Variants in MYRFL observed in about 807,000 individuals in gnomAD.
MYRFL encodes the protein myelin regulatory factor like, also known as myelin regulatory factor-like protein.
MYRFL carries 88 observed loss-of-function variants against 109.4 expected under a neutral mutation model. That is an observed-to-expected ratio of 0.80 (90% confidence interval 0.68 to 0.96). The LOEUF is 0.96. MYRFL is among the 40% of genes least tolerant of loss of function. MYRFL has a pLI of 0.00. For missense variants in MYRFL, 957 were observed against 954.9 expected, an observed-to-expected ratio of 1.00 and a Z score of -0.03; for synonymous variants, 324 against 320.9, an observed-to-expected ratio of 1.01 and a Z score of -0.10.
chr12:69,925,865 C>T (rs1193195311), intron 13 of MYRFL, among the ~76,000 whole-genome samples: 1 of 152,144 alleles, frequency 6.6e-6, no homozygotes, highest in Non-Finnish European at 1.5e-5. Flanking sequence ...ATTGACACCT[C>T]AATAATTATC....
intron 13 of MYRFL, among the ~76,000 whole-genome samples, chr12:69,923,186 T>C (rs1328023413): frequency 6.6e-6 from 1 of 152,226 alleles, no homozygotes; most frequent in East Asian, 1.9e-4. Flanking sequence ...TTCAGTTAGC[T>C]CCTGAGTCAT....
chr12:69,913,816 T>G (rs952687705), intron 13 of MYRFL, among the ~76,000 whole-genome samples: 1 of 152,194 alleles, frequency 6.6e-6, no homozygotes, highest in Non-Finnish European at 1.5e-5. Flanking sequence ...TTAGAATAGA[T>G]CTTTCTATTT....
intron 1 of MYRFL, among the ~76,000 whole-genome samples, chr12:69,841,079 G>C (rs1281037759): frequency 6.6e-6 from 1 of 152,152 alleles, no homozygotes; most frequent in Non-Finnish European, 1.5e-5. Context: ...TCTTGGGTCA[G>C]TGTAAAACTA....
intron 2 of MYRFL, among the ~76,000 whole-genome samples, chr12:69,874,772 A>G (rs958195420): frequency 1.8e-4 from 27 of 151,958 alleles, no homozygotes; most frequent in Non-Finnish European, 7.4e-5. Context: ...ATGTTTTTGT[A>G]CTGTCTTCTG....
In MYRFL at chr12:69,903,844, G is replaced by C. The variant is rs774550227; in HGVS notation, c.1383G>C (p.Glu461Asp). ...SDSRAKQNIQ[E>D]VDTNEQLKRI... is the part of the protein sequence containing the mutation. ...GCCGGGCAAAGCAGAATATCCAGGA[G>C]GTGAGCACAGATTCAGGCCCTGGGC... The change falls in exon 11 of 25, where the codon GAG becomes GAC. Residue 461 changes from glutamate (E) to aspartate (D), a missense_variant and splice_region_variant. By Grantham distance (45) the Glu-to-Asp change is conservative. Coordinates refer to ENST00000552032, the MANE Select transcript of MYRFL (RefSeq NM_182530.3). 1 of 1,524,756 alleles carries C rather than the reference G, an allele frequency of 6.6e-7. No individual in the cohort carries two copies. Among genetic ancestry groups the C allele is most frequent in the South Asian group, 1.2e-5 (1 of 82,550 alleles). 94.5% of individuals were successfully genotyped at this position (1,524,756 alleles called of 1,614,324 possible). A position where few individuals can be genotyped will look rare whatever the true frequency, so the allele number is the denominator to read the frequency against.
At chr12:69,934,054 G>A (rs148719222) in intron 16 of MYRFL, among the ~76,000 whole-genome samples, 21 of 152,320 alleles carry the variant, frequency 1.4e-4, no homozygotes, top group Non-Finnish European at 2.6e-4. Context: ...TGGGCTATGC[G>A]TTGAGGCAGA....
chr12:69,864,757 G>T (rs1014678327), intron 2 of MYRFL, among the ~76,000 whole-genome samples: 4 of 151,950 alleles, frequency 2.6e-5, no homozygotes, highest in African/African-American at 9.7e-5. Flanking sequence ...GGCGCTGCAT[G>T]GGCTGAACTC....
In MYRFL at chr12:69,932,576, C is replaced by CTGA. The variant is rs1955303416; in HGVS notation, c.1896_1898dup (p.Leu632_Ile633insMet). ...GGTTTTCCAGACCTTGGTTATAACT[C>CTGA]TGATTGCTGTGATGGCATTTTGGTA... On this transcript the variant is annotated inframe_insertion, in exon 16 of 25. Coordinates refer to ENST00000552032, the MANE Select transcript of MYRFL (RefSeq NM_182530.3). The CTGA allele has an allele frequency of 2.0e-6, 3 of 1,535,812 alleles. No individual in the cohort carries two copies. Among genetic ancestry groups the CTGA allele is most frequent in the African/African-American group, 1.4e-5 (1 of 73,014 alleles).
intron 1 of MYRFL, among the ~76,000 whole-genome samples, chr12:69,853,033 A>G (rs1406408649): frequency 6.6e-6 from 1 of 151,850 alleles, no homozygotes; most frequent in South Asian, 2.1e-4. Context: ...TTTTCCCCAC[A>G]TTTCCCCCTT....
At chr12:69,907,951 G>GCA (rs1954424154) in intron 11 of MYRFL, among the ~76,000 whole-genome samples, 1 of 152,114 alleles carries the variant, frequency 6.6e-6, no homozygotes, top group Non-Finnish European at 1.5e-5. Flanking sequence ...AGTATGACCT[G>GCA]CAAGGCCCTC....
intron 11 of MYRFL, 67 bp from the exon 12 acceptor site, chr12:69,909,902 C>T (rs1954497668): frequency 2.7e-6 from 3 of 1,114,870 alleles, no homozygotes; most frequent in African/African-American, 1.6e-5. Flanking sequence ...CTCTGGGTCA[C>T]TCTGGGCATT....
intron 6 of MYRFL, among the ~76,000 whole-genome samples, chr12:69,890,570 C>T (rs1239921296): frequency 6.6e-6 from 1 of 152,112 alleles, no homozygotes; most frequent in Non-Finnish European, 1.5e-5. Flanking sequence ...CCTGTCTCTA[C>T]TAAAAATACA....
At chr12:69,930,081 C>T (rs1955222332) in intron 15 of MYRFL, among the ~76,000 whole-genome samples, 1 of 152,146 alleles carries the variant, frequency 6.6e-6, no homozygotes, top group Non-Finnish European at 1.5e-5. Context: ...TGAGCTCTTC[C>T]TGTGAGGTTG....
chr12:69,926,932 G>GTTTTTTTTTTT lies in MYRFL; in HGVS notation c.1766+198_1766+199insTTTTTTTTTTT, dbSNP rs1336716063. Among the ~76,000 whole-genome samples the GTTTTTTTTTTT allele has an allele frequency of 7.9e-3, 607 of 76,850 alleles. 222 individuals carry two copies. The highest frequency in any genetic ancestry group is 0.012 in the Non-Finnish European group (488 of 39,078). The allele number at this position is 76,850 out of a possible 152,430, so 50.4% of individuals were successfully genotyped here. A position where few individuals can be genotyped will look rare whatever the true frequency, so the allele number is the denominator to read the frequency against. On this transcript the variant is annotated intron_variant, in intron 14 of 24. Coordinates refer to ENST00000552032, the MANE Select transcript of MYRFL (RefSeq NM_182530.3). ...ACTTTCTTAGTTTTTTTCTGTTGCTGGTTTTTTTTTTTTTTTTTTTTTTTT... is the reference window on the plus strand; with the variant it reads ...ACTTTCTTAGTTTTTTTCTGTTGCTGTTTTTTTTTTTGTTTTTTTTTTTTTTTTTTTTTTTT...
intron 2 of MYRFL, among the ~76,000 whole-genome samples, chr12:69,866,542 T>G (rs906223151): frequency 3.3e-5 from 5 of 152,182 alleles, no homozygotes; most frequent in Non-Finnish European, 7.3e-5. Flanking sequence ...TTTTGTTTTG[T>G]TTTGTTTTTG....
At chr12:69,853,878 G>C (rs550655040) in intron 1 of MYRFL, among the ~76,000 whole-genome samples, 1 of 151,888 alleles carries the variant, frequency 6.6e-6, no homozygotes, top group African/African-American at 2.4e-5. Flanking sequence ...CGGTGGGGCA[G>C]AGGGGCTCCT....
intron 7 of MYRFL, among the ~76,000 whole-genome samples, chr12:69,892,581 A>G (rs569320258): frequency 1.3e-5 from 2 of 152,204 alleles, no homozygotes; most frequent in African/African-American, 4.8e-5. Context: ...TGGCCTACAT[A>G]TTTTATTCTG....
At position 69,909,951 on chromosome 12, in the gene MYRFL, C is replaced by T; in HGVS notation, c.1384-18C>T. On this transcript the variant is annotated intron_variant, in intron 11 of 24. Coordinates refer to ENST00000552032, the MANE Select transcript of MYRFL (RefSeq NM_182530.3). ...AATATCTATGCGAGTAAAATCTGCT[C>T]TTCTTTAATTAAATTAGGTTGACAC... The T allele has an allele frequency of 2.0e-6, 3 of 1,500,672 alleles. No homozygotes were observed. Among genetic ancestry groups the T allele is most frequent in the Non-Finnish European group, 2.7e-6 (3 of 1,125,790 alleles). The allele number at this position is 1,500,672 out of a possible 1,614,324, so 93.0% of individuals were successfully genotyped here.
At chr12:69,898,673 GT>G (rs1954083732) in intron 10 of MYRFL, among the ~76,000 whole-genome samples, 1 of 152,220 alleles carries the variant, frequency 6.6e-6, no homozygotes, top group Non-Finnish European at 1.5e-5. Context: ...TCTTTTCAGA[GT>G]TAGCATAGCT....
Sources: allele counts gnomAD v4.1 joint callset (sites outside exome capture counted in the v4.1 genomes callset), GRCh38; gene constraint gnomAD v4.1.1; transcripts MANE v1.5; gene names NCBI Gene and HGNC (gene_info 2026-07-23, HGNC 2026-07-21).